The following ST6GALNAC3 variants were observed in gnomAD, a reference collection of about 807,000 sequenced individuals.
The protein encoded by ST6GALNAC3 is ST6 N-acetylgalactosaminide alpha-2,6-sialyltransferase 3.
Under a neutral mutation model 32.7 loss-of-function variants are expected in ST6GALNAC3, and 25 were observed. That is an observed-to-expected ratio of 0.76 (90% CI 0.56 to 1.07). The LOEUF (loss-of-function observed/expected upper bound fraction) is 1.07. ST6GALNAC3 is among the 50% of genes least tolerant of loss of function. ST6GALNAC3 has a pLI of 0.00. For synonymous variants in ST6GALNAC3, 129 were observed against 133.1 expected, an observed-to-expected ratio of 0.97 and a Z score of 0.21; for missense variants, 355 against 382.4, an observed-to-expected ratio of 0.93 and a Z score of 0.60.
At chr1:76,088,282 G>A (rs1423557647) in intron 1 of ST6GALNAC3, among the ~76,000 whole-genome samples, 1 of 152,164 alleles carries the variant, frequency 6.6e-6, no homozygotes, top group African/African-American at 2.4e-5. Context: ...TGCCACTTTG[G>A]TGGTCTGTCT....
At chr1:76,107,993 G>A (rs375062056) in intron 1 of ST6GALNAC3, among the ~76,000 whole-genome samples, 16 of 152,244 alleles carry the variant, frequency 1.1e-4, no homozygotes, top group Middle Eastern at 3.4e-3. Flanking sequence ...AAAGAGCTGC[G>A]ATTTTAGCTA....
chr1:76,486,843 T>A (rs1168164016), intron 3 of ST6GALNAC3, among the ~76,000 whole-genome samples: 1 of 152,248 alleles, frequency 6.6e-6, no homozygotes, highest in African/African-American at 2.4e-5. Context: ...CAATTTGGCA[T>A]GTTTCTGCAG....
intron 1 of ST6GALNAC3, among the ~76,000 whole-genome samples, chr1:76,289,488 T>G (rs1165718986): frequency 2.0e-5 from 3 of 152,232 alleles, no homozygotes; most frequent in Non-Finnish European, 4.4e-5. Flanking sequence ...CATCATGGGT[T>G]CCCAGCAGGG....
chr1:76,485,641 C>G (rs1660057502), intron 3 of ST6GALNAC3, among the ~76,000 whole-genome samples: 1 of 152,182 alleles, frequency 6.6e-6, no homozygotes, highest in African/African-American at 2.4e-5. Context: ...TGCTAGTGAT[C>G]TATCAATTTT....
At chr1:76,532,754 T>A (rs567616847) in intron 3 of ST6GALNAC3, among the ~76,000 whole-genome samples, 1 of 152,294 alleles carries the variant, frequency 6.6e-6, no homozygotes, top group Admixed American at 6.5e-5. Context: ...AGTATCTCCA[T>A]CTGACCATGA....
At chr1:76,539,802 T>A (rs750427374) in intron 3 of ST6GALNAC3, among the ~76,000 whole-genome samples, 3 of 152,074 alleles carry the variant, frequency 2.0e-5, no homozygotes, top group Non-Finnish European at 2.9e-5. Flanking sequence ...AAAACCACAA[T>A]GAGATACCAT....
intron 1 of ST6GALNAC3, among the ~76,000 whole-genome samples, chr1:76,093,600 G>T (rs529478560): frequency 5.5e-4 from 84 of 152,194 alleles, no homozygotes; most frequent in Non-Finnish European, 8.4e-4. Context: ...TGAGCTGAAG[G>T]AAATTAAGAA....
At chr1:76,446,365 G>A (rs1313960524) in intron 3 of ST6GALNAC3, among the ~76,000 whole-genome samples, 1 of 152,066 alleles carries the variant, frequency 6.6e-6, no homozygotes. Flanking sequence ...AAGTGTATGT[G>A]AGCATGTACT....
At chr1:76,489,474 C>T (rs1363908510) in intron 3 of ST6GALNAC3, among the ~76,000 whole-genome samples, 1 of 152,052 alleles carries the variant, frequency 6.6e-6, no homozygotes, top group Non-Finnish European at 1.5e-5. Context: ...TGCTCTCTGT[C>T]TCTCTCTTCC....
intron 3 of ST6GALNAC3, among the ~76,000 whole-genome samples, chr1:76,575,753 A>G (rs1646793989): frequency 6.6e-6 from 1 of 152,046 alleles, no homozygotes; most frequent in South Asian, 2.1e-4. Flanking sequence ...TCTTCTTCAG[A>G]TATGGAAGCC....
chr1:76,303,602 A>G (rs1255803851), intron 1 of ST6GALNAC3, among the ~76,000 whole-genome samples: 1 of 152,076 alleles, frequency 6.6e-6, no homozygotes. Context: ...CCCTTCCACT[A>G]AAAAATAAGC....
intron 1 of ST6GALNAC3, among the ~76,000 whole-genome samples, chr1:76,247,009 A>G (rs1415303273): frequency 6.6e-6 from 1 of 151,578 alleles, no homozygotes; most frequent in Non-Finnish European, 1.5e-5. Flanking sequence ...TTTTTTGTTG[A>G]TGTTGTTGTT....
intron 3 of ST6GALNAC3, among the ~76,000 whole-genome samples, chr1:76,582,784 G>A (rs1050856050): frequency 1.3e-5 from 2 of 152,078 alleles, no homozygotes; most frequent in Non-Finnish European, 2.9e-5. Flanking sequence ...CTTTTTGCTT[G>A]GAAGTAGTTT....
intron 2 of ST6GALNAC3, among the ~76,000 whole-genome samples, chr1:76,347,875 A>C (rs1557810199): frequency 6.6e-6 from 1 of 152,170 alleles, no homozygotes; most frequent in Non-Finnish European, 1.5e-5. Context: ...AATGTATATA[A>C]AAGTGCTTAG....
intron 2 of ST6GALNAC3, among the ~76,000 whole-genome samples, chr1:76,367,829 C>T (rs1650496571): frequency 1.3e-5 from 2 of 152,124 alleles, no homozygotes; most frequent in South Asian, 2.1e-4. Flanking sequence ...TGGTGCCCCC[C>T]AGTACCTTGG....
intron 3 of ST6GALNAC3, among the ~76,000 whole-genome samples, chr1:76,519,021 G>A (rs1003858329): frequency 5.9e-5 from 9 of 152,098 alleles, no homozygotes; most frequent in African/African-American, 1.4e-4. Flanking sequence ...AGCCAAGATC[G>A]TGCCACGAAA....
chr1:76,354,455 G>A (rs1649276925), intron 2 of ST6GALNAC3, among the ~76,000 whole-genome samples: 1 of 152,208 alleles, frequency 6.6e-6, no homozygotes, highest in Non-Finnish European at 1.5e-5. Flanking sequence ...CTGTCCCACA[G>A]TAGGTATTTG....
At chr1:76,532,294 C>A (rs905586133) in intron 3 of ST6GALNAC3, among the ~76,000 whole-genome samples, 1 of 152,200 alleles carries the variant, frequency 6.6e-6, no homozygotes, top group African/African-American at 2.4e-5. Flanking sequence ...AGTAGCCAAA[C>A]AAATCACGTC....
intron 3 of ST6GALNAC3, among the ~76,000 whole-genome samples, chr1:76,520,045 A>G (rs905659863): frequency 6.6e-6 from 1 of 151,914 alleles, no homozygotes; most frequent in Non-Finnish European, 1.5e-5. Flanking sequence ...TTTCCATTTT[A>G]TTTCTGTTTC....
Sources: gnomAD v4.1 joint callset for allele counts (sites outside exome capture counted in the v4.1 genomes callset) on GRCh38, gnomAD v4.1.1 for gene constraint, MANE v1.5 for transcripts, NCBI Gene and HGNC (gene_info 2026-07-23, HGNC 2026-07-21) for gene names.